IP6K1: variants seen among roughly 807,000 people sequenced by gnomAD.
The protein encoded by IP6K1 is inositol hexakisphosphate kinase 1.
Under a neutral mutation model 38.3 loss-of-function variants are expected in IP6K1, and 13 were observed. The ratio of observed to expected loss-of-function variants is 0.34; its 90% CI spans 0.22 to 0.54. The LOEUF is 0.54. Among genes scored for constraint, IP6K1 ranks in the 20% least tolerant of loss-of-function variants. The pLI, the probability that IP6K1 is intolerant of heterozygous loss-of-function variation, is 0.92. For missense variants in IP6K1, 397 were observed against 599.8 expected (o/e 0.66, Z 3.53); for synonymous variants, 212 against 229.9 (o/e 0.92, Z 0.70).
At chr3:49,758,314 C>CAAAAAAAAAA (rs11359274) in intron 1 of IP6K1, among the ~76,000 whole-genome samples, 11 of 54,400 alleles carry the variant, frequency 2.0e-4, no homozygotes, top group African/African-American at 8.4e-4. Context: ...GACTCCATCT[C>CAAAAAAAAAA]AAAAAAAAAA....
At chr3:49,732,623 G>C (rs1418529004) in intron 4 of IP6K1, among the ~76,000 whole-genome samples, 168 bp downstream of exon 4, 1 of 151,992 alleles carries the variant, frequency 6.6e-6, no homozygotes, top group Non-Finnish European at 1.5e-5. Context: ...CAAAAGGCAG[G>C]AAAAAAACAT....
chr3:49,744,512 A>G (rs1444554918), intron 2 of IP6K1, among the ~76,000 whole-genome samples: 1 of 151,664 alleles, frequency 6.6e-6, no homozygotes, highest in African/African-American at 2.4e-5. Flanking sequence ...TGTCATTTAA[A>G]TTCTTCTAGA....
chr3:49,750,510 C>G (rs1007283517), intron 1 of IP6K1, among the ~76,000 whole-genome samples: 1 of 152,058 alleles, frequency 6.6e-6, no homozygotes, highest in Middle Eastern at 3.2e-3. Context: ...GCCTGGCCAA[C>G]ATGGCGAAAC....
At chr3:49,750,410 A>G (rs1189973025) in intron 1 of IP6K1, among the ~76,000 whole-genome samples, 1 of 152,158 alleles carries the variant, frequency 6.6e-6, no homozygotes, top group African/African-American at 2.4e-5. Context: ...AGTCAAGGAA[A>G]TAGGCCGGGT....
In IP6K1 at chr3:49,727,298, C is replaced by CGGGGCTGGTGTTGCT. The variant is rs1248801508; in HGVS notation, c.1135_1149dup (p.Ser379_Pro383dup). ...TTGGGCTGAGAGGAGGGACCCGCCT[C>CGGGGCTGGTGTTGCT]GGGGCTGGTGTTGCTGGGGCTGGTG... On this transcript the variant is annotated inframe_insertion, in exon 6 of 6. Coordinates refer to ENST00000321599, the MANE Select transcript of IP6K1 (RefSeq NM_153273.4). This position sits in a 1 kb window ranked among gnomAD's most constrained non-coding sequence, Gnocchi z 5.9. 8 of 1,614,164 alleles carry CGGGGCTGGTGTTGCT rather than the reference C, an allele frequency of 5.0e-6. No individual in the cohort carries two copies. Among genetic ancestry groups the CGGGGCTGGTGTTGCT allele is most frequent in the South Asian group, 1.1e-5 (1 of 91,082 alleles).
intron 2 of IP6K1, among the ~76,000 whole-genome samples, chr3:49,745,094 C>G (rs1002647034): frequency 1.4e-5 from 2 of 138,816 alleles, no homozygotes; most frequent in Admixed American, 1.4e-4. Context: ...GTGTAAAAGA[C>G]AAAAAAAAAA....
intron 4 of IP6K1, among the ~76,000 whole-genome samples, chr3:49,732,222 G>A (rs1031712943): frequency 6.6e-6 from 1 of 152,066 alleles, no homozygotes; most frequent in Admixed American, 6.6e-5. Flanking sequence ...GACCCACCAC[G>A]CCCAGCTATC....
intron 1 of IP6K1, among the ~76,000 whole-genome samples, chr3:49,781,055 A>T (rs111651276): frequency 6.9e-6 from 1 of 143,968 alleles, no homozygotes; most frequent in African/African-American, 2.7e-5. Flanking sequence ...TACCAGAGGA[A>T]ACAAAAAAGA....
chr3:49,771,079 A>C (rs766987463), intron 1 of IP6K1, among the ~76,000 whole-genome samples: 97 of 151,908 alleles, frequency 6.4e-4, no homozygotes, highest in Non-Finnish European at 1.2e-3. Flanking sequence ...TGATCACGCT[A>C]CTACACTCCA....
intron 1 of IP6K1, among the ~76,000 whole-genome samples, chr3:49,776,930 GACTA>G (rs1351898130): frequency 1.3e-5 from 2 of 152,136 alleles, no homozygotes; most frequent in Non-Finnish European, 2.9e-5. Flanking sequence ...TACCTTCTAT[GACTA>G]ACTGACATCT....
At chr3:49,774,407 C>CAAAAAAAAAA (rs777187857) in intron 1 of IP6K1, among the ~76,000 whole-genome samples, 5 of 44,296 alleles carry the variant, frequency 1.1e-4, no homozygotes, top group Admixed American at 3.1e-4. Context: ...GACTCCATCT[C>CAAAAAAAAAA]AAAAAAAAAA....
intron 4 of IP6K1, 116 bp downstream of exon 4, chr3:49,732,675 G>T (rs1575303914): frequency 2.8e-6 from 2 of 722,592 alleles, no homozygotes; most frequent in East Asian, 5.5e-5. Context: ...CATGAAAAAG[G>T]GAGATTAAAC....
intron 1 of IP6K1, among the ~76,000 whole-genome samples, chr3:49,778,800 A>G (rs1170988485): frequency 6.6e-6 from 1 of 151,842 alleles, no homozygotes; most frequent in Non-Finnish European, 1.5e-5. Flanking sequence ...TAATTTTTTT[A>G]TTTTTTGTAT....
rs200650233 is a variant in IP6K1, at chr3:49,761,222, GGA to G, written c.-128-13056_-128-13055del. ...CCCAGCTACTCGGGAGGCCGAGGCA[GGA>G]GAATCACTTGAACCCGGGAGGTGGA... On this transcript the variant is annotated intron_variant, in intron 1 of 5. Transcript: ENST00000321599. 9.1e-3 allele frequency among the ~76,000 whole-genome samples: 1,385 copies of G among 152,286 alleles called. 19 individuals carry two copies. The highest frequency in any genetic ancestry group is 0.032 in the African/African-American group (1,329 of 41,544).
intron 1 of IP6K1, among the ~76,000 whole-genome samples, chr3:49,756,599 C>A (rs906858860): frequency 1.3e-5 from 2 of 152,032 alleles, no homozygotes; most frequent in Non-Finnish European, 2.9e-5. Flanking sequence ...GGGTGGATCA[C>A]CTGAGGTCAG....
At chr3:49,730,737 A>G (rs1213721096) in intron 4 of IP6K1, among the ~76,000 whole-genome samples, 4 of 151,034 alleles carry the variant, frequency 2.6e-5, no homozygotes, top group Admixed American at 6.6e-5. Context: ...TTTTTTTGAG[A>G]TGGAGTTTCA....
chr3:49,748,136 A>G lies in IP6K1; in HGVS notation c.-96T>C. On this transcript the variant is annotated 5_prime_UTR_variant, in exon 2 of 6. Coordinates refer to ENST00000321599, the MANE Select transcript of IP6K1 (RefSeq NM_153273.4). ...GAAGGTCCTGGCCAGGTGAAAGCCA[A>G]TGGTCAGATTCTATTCAGCTTATTA... 3 of 1,237,178 alleles carry G rather than the reference A, an allele frequency of 2.4e-6. No homozygotes were observed. Among genetic ancestry groups the G allele is most frequent in the African/African-American group, 1.5e-5 (1 of 67,414 alleles). The allele number at this position is 1,237,178 out of a possible 1,614,324, so 76.6% of individuals were successfully genotyped here.
intron 1 of IP6K1, among the ~76,000 whole-genome samples, chr3:49,767,462 C>A (rs1254105815): frequency 1.3e-5 from 2 of 151,880 alleles, no homozygotes; most frequent in African/African-American, 4.8e-5. Context: ...TGCCTGTAAT[C>A]CCAGGTACTC....
At chr3:49,741,970 T>C (rs900075051) in intron 2 of IP6K1, among the ~76,000 whole-genome samples, 1 of 152,094 alleles carries the variant, frequency 6.6e-6, no homozygotes, top group African/African-American at 2.4e-5. Context: ...CAGGTATCTT[T>C]AAAGGCCATA....
Sources: allele counts gnomAD v4.1 joint callset (sites outside exome capture counted in the v4.1 genomes callset), GRCh38; gene constraint gnomAD v4.1.1; non-coding constraint Gnocchi (gnomAD v3.1); transcripts MANE v1.5; gene names NCBI Gene and HGNC (gene_info 2026-07-23, HGNC 2026-07-21).